WDTC1: variants seen among roughly 807,000 people sequenced by gnomAD.
WDTC1 encodes the protein WD and tetratricopeptide repeats 1, also known as WD and tetratricopeptide repeats protein 1.
In WDTC1, 12 loss-of-function variants were observed where a neutral mutation model predicts 76.0. That is an observed-to-expected ratio of 0.16 (90% CI 0.10 to 0.26). The LOEUF (loss-of-function observed/expected upper bound fraction) is 0.26. Among genes scored for constraint, WDTC1 ranks in the 10% least tolerant of loss-of-function variants. The pLI, the probability that WDTC1 is intolerant of heterozygous loss-of-function variation, is 1.00. For missense variants in WDTC1, 511 were observed against 908.8 expected, an observed-to-expected ratio of 0.56 and a Z score of 5.63; for synonymous variants, 326 against 350.8, an observed-to-expected ratio of 0.93 and a Z score of 0.79.
chr1:27,288,879 C>T (rs1207938876), intron 6 of WDTC1, among the ~76,000 whole-genome samples: 5 of 152,144 alleles, frequency 3.3e-5, no homozygotes, highest in African/African-American at 1.2e-4. Flanking sequence ...ACCTCCCAGA[C>T]GGGGTGGTGG....
intron 3 of WDTC1, 85 bp from the exon 4 acceptor site, chr1:27,282,154 C>T: frequency 7.6e-7 from 1 of 1,317,318 alleles, no homozygotes; most frequent in Non-Finnish European, 1.1e-6. Flanking sequence ...GACTGGTTTA[C>T]CTGTTCAGTT....
intron 1 of WDTC1, among the ~76,000 whole-genome samples, chr1:27,242,170 G>A (rs1425828938): frequency 1.3e-5 from 2 of 152,072 alleles, no homozygotes; most frequent in Non-Finnish European, 2.9e-5. Flanking sequence ...GGGATTACGG[G>A]GATGAGCCAC....
rs764138163 is a variant in WDTC1, at chr1:27,283,359, T to C, written c.201T>C (p.Asp67=). The C allele has an allele frequency of 1.1e-5, 17 of 1,613,752 alleles. No individual in the cohort carries two copies. The East Asian group carries it at 2.2e-4, about 21-fold the overall frequency. The change falls in exon 5 of 16, where the codon GAT becomes GAC. Residue 67 remains aspartate (D), a synonymous_variant. Transcript: ENST00000319394. ...EKGDLLASGS[D]DQHTIVWDPL... ...TCAGCTTGCTGGCCTCTGGTTCCGA[T>C]GACCAGCACACGATTGTGTGGGACC... is the stretch of plus-strand genomic sequence containing the variant.
chr1:27,254,874 AC>A (rs1379131710), intron 1 of WDTC1, among the ~76,000 whole-genome samples: 1 of 150,906 alleles, frequency 6.6e-6, no homozygotes, highest in East Asian at 2.0e-4. Flanking sequence ...TGATCTGCAT[AC>A]CTCAGCCTCC....
chr1:27,301,481 G>C lies in WDTC1; in HGVS notation c.1468+20G>C. ...ATGGTGGTGAGTGGGCACTGAGGAGGGGGTGCTGTTACTCTTTCTCTTTGA... is the reference window on the plus strand; with the variant it reads ...ATGGTGGTGAGTGGGCACTGAGGAGCGGGTGCTGTTACTCTTTCTCTTTGA... On this transcript the variant is annotated intron_variant, in intron 13 of 15. Coordinates refer to ENST00000319394, the MANE Select transcript of WDTC1 (RefSeq NM_001276252.2). This position sits in a 1 kb window ranked among gnomAD's most constrained non-coding sequence, Gnocchi z 5.8. The C allele has an allele frequency of 6.2e-7, 1 of 1,607,220 alleles. No homozygotes were observed.
intron 1 of WDTC1, among the ~76,000 whole-genome samples, chr1:27,238,170 C>T (rs1346515728): frequency 1.3e-5 from 2 of 152,210 alleles, no homozygotes; most frequent in East Asian, 1.9e-4. Flanking sequence ...GAATTCAAAC[C>T]CAGGTCTCTC....
intron 1 of WDTC1, among the ~76,000 whole-genome samples, chr1:27,241,017 T>G (rs2011617982): frequency 6.7e-6 from 1 of 149,368 alleles, no homozygotes; most frequent in Non-Finnish European, 1.5e-5. Context: ...AAGGGGAGGA[T>G]GCAGTCAAAA....
In WDTC1 at chr1:27,303,308, C is replaced by T. The variant is rs534195824; in HGVS notation, c.1469-313C>T. Among the ~76,000 whole-genome samples, 43 of 152,068 alleles carry T rather than the reference C, an allele frequency of 2.8e-4. No individual in the cohort carries two copies. The highest frequency in any genetic ancestry group is 1.0e-3 in the African/African-American group (43 of 41,516). On this transcript the variant is annotated intron_variant, in intron 13 of 15. Transcript: ENST00000319394. The surrounding 1 kb of genome is among the most constrained non-coding windows in gnomAD (Gnocchi z 4.8). The stretch of plus-strand genomic sequence containing the variant: ...CCATTCTCTCTTTGCTAGTGCCTCA[C>T]TCTACCCTCCCCTGCCTCTTACCTC...
intron 1 of WDTC1, among the ~76,000 whole-genome samples, chr1:27,251,547 C>T (rs960636746): frequency 2.6e-5 from 4 of 152,148 alleles, no homozygotes; most frequent in Non-Finnish European, 5.9e-5. Context: ...GGCCGGAGCA[C>T]AGTGCCTCAT....
In WDTC1 at chr1:27,301,952, CTG is replaced by C. The variant is rs1486936468; in HGVS notation, c.1468+496_1468+497del. 3.3e-5 allele frequency among the ~76,000 whole-genome samples: 5 copies of C among 152,192 alleles called. No homozygotes were observed. In the East Asian group the frequency reaches 9.6e-4, roughly 29 times the overall value. On this transcript the variant is annotated intron_variant, in intron 13 of 15. Coordinates refer to ENST00000319394, the MANE Select transcript of WDTC1 (RefSeq NM_001276252.2). This position sits in a 1 kb window ranked among gnomAD's most constrained non-coding sequence, Gnocchi z 5.8. ...TTCCAAATGCAGCTCCACCACCTGA[CTG>C]TGTGGCCTTGAAGAAAGCACAGCCT... is the stretch of plus-strand genomic sequence containing the variant.
At position 27,261,089 on chromosome 1, in the gene WDTC1, G is replaced by A. The variant is rs373726712; in HGVS notation, c.35G>A (p.Arg12His). The change falls in exon 2 of 16, where the codon CGT (arginine) becomes CAT (histidine). Residue 12 changes from arginine to histidine, a missense_variant. Physicochemically the swap from Arg to His is conservative, Grantham distance 29. Transcript: ENST00000319394. ...AKVNITRDLI[R>H]RQIKERGALS... is the part of the protein sequence containing the mutation. Reference sequence around the variant, plus strand: ...GTCAACATAACTAGAGACCTCATCCGTAGGCAGATCAAGGTAAGCAGCCCA... The same window carrying A: ...GTCAACATAACTAGAGACCTCATCCATAGGCAGATCAAGGTAAGCAGCCCA... The A allele has an allele frequency of 1.3e-5, 21 of 1,614,086 alleles. No homozygotes were observed. Among genetic ancestry groups the A allele is most frequent in the Admixed American group, 8.3e-5 (5 of 60,020 alleles).
chr1:27,292,934 T>C (rs915302244), intron 7 of WDTC1, among the ~76,000 whole-genome samples: 2 of 150,146 alleles, frequency 1.3e-5, no homozygotes, highest in Non-Finnish European at 3.0e-5. Context: ...GTATTATTAG[T>C]AGAGACGGGG....
intron 3 of WDTC1, among the ~76,000 whole-genome samples, chr1:27,277,937 T>A (rs972530876): frequency 6.6e-6 from 1 of 152,124 alleles, no homozygotes; most frequent in Non-Finnish European, 1.5e-5. Flanking sequence ...ACTTCCTGGT[T>A]TCAAGCGATT....
chr1:27,287,048 A>G (rs1011728353), intron 5 of WDTC1, among the ~76,000 whole-genome samples: 1 of 151,526 alleles, frequency 6.6e-6, no homozygotes, highest in Non-Finnish European at 1.5e-5. Flanking sequence ...CTGTAATCCC[A>G]GCTACTCAGG....
At chr1:27,296,785 A>ACCCTAGCCCAGCCCCAG (rs1553132847) in intron 10 of WDTC1, among the ~76,000 whole-genome samples, 1 of 88,632 alleles carries the variant, frequency 1.1e-5, no homozygotes, top group Non-Finnish European at 2.2e-5. Context: ...CCCAGCCCCA[A>ACCCTAGCCCAGCCCCAG]CCCTAGCCCC....
At chr1:27,249,987 C>T (rs1256876679) in intron 1 of WDTC1, among the ~76,000 whole-genome samples, 1 of 152,092 alleles carries the variant, frequency 6.6e-6, no homozygotes, top group Admixed American at 6.6e-5. Context: ...TAAAGACATC[C>T]TATACTCTGC....
intron 1 of WDTC1, among the ~76,000 whole-genome samples, chr1:27,237,382 G>C (rs1048841667): frequency 6.6e-6 from 1 of 152,046 alleles, no homozygotes; most frequent in Non-Finnish European, 1.5e-5. Flanking sequence ...GTTTTCTTTG[G>C]GTCACTGGTT....
intron 3 of WDTC1, among the ~76,000 whole-genome samples, chr1:27,269,905 C>T (rs1359276881): frequency 2.4e-5 from 3 of 125,658 alleles, no homozygotes; most frequent in African/African-American, 6.1e-5. Context: ...CCACCACGCC[C>T]GGCCTTTGTT....
chr1:27,256,687 G>A (rs2012291047), intron 1 of WDTC1, among the ~76,000 whole-genome samples: 2 of 152,082 alleles, frequency 1.3e-5, no homozygotes, highest in African/African-American at 4.8e-5. Context: ...TAGAATGTAA[G>A]TACCATGAGC....
Sources: allele counts gnomAD v4.1 joint callset (sites outside exome capture counted in the v4.1 genomes callset), GRCh38; gene constraint gnomAD v4.1.1; non-coding constraint Gnocchi (gnomAD v3.1); transcripts MANE v1.5; gene names NCBI Gene and HGNC (gene_info 2026-07-23, HGNC 2026-07-21).